Variants in CCSER1 observed in about 807,000 individuals in gnomAD.
The protein encoded by CCSER1 is serine-rich coiled-coil domain-containing protein 1.
A neutral mutation model predicts 82.0 loss-of-function variants in CCSER1; 41 were observed. The observed-to-expected ratio is 0.50, with a 90% CI of 0.39 to 0.65. The LOEUF is 0.65. CCSER1 is among the 30% of genes least tolerant of loss of function. The pLI is 0.00. For missense variants in CCSER1, 1,119 were observed against 1,064.2 expected, an observed-to-expected ratio of 1.05 and a Z score of -0.72; for synonymous variants, 414 against 383.9, an observed-to-expected ratio of 1.08 and a Z score of -0.92.
intron 10 of CCSER1, among the ~76,000 whole-genome samples, chr4:91,373,284 T>C (rs1301359316): frequency 6.6e-6 from 1 of 152,206 alleles, no homozygotes; most frequent in Admixed American, 6.5e-5. Flanking sequence ...TTGTTGCACT[T>C]TGCAGATATT....
At chr4:91,148,970 C>A (rs1185835940) in intron 10 of CCSER1, among the ~76,000 whole-genome samples, 3 of 151,906 alleles carry the variant, frequency 2.0e-5, no homozygotes, top group Admixed American at 1.3e-4. Flanking sequence ...TTTATAGCAG[C>A]ATGATTTATA....
At chr4:90,300,595 A>G (rs1330676161) in intron 1 of CCSER1, among the ~76,000 whole-genome samples, 3 of 152,174 alleles carry the variant, frequency 2.0e-5, no homozygotes, top group Admixed American at 6.6e-5. Flanking sequence ...GTGTCATGTC[A>G]TTAGCTCTGA....
chr4:90,913,899 G>A (rs1159715640), intron 8 of CCSER1, among the ~76,000 whole-genome samples: 1 of 152,058 alleles, frequency 6.6e-6, no homozygotes, highest in Non-Finnish European at 1.5e-5. Context: ...GACAAAGAAG[G>A]CCATTACATA....
chr4:91,254,550 A>G (rs1461512428), intron 10 of CCSER1, among the ~76,000 whole-genome samples: 3 of 152,180 alleles, frequency 2.0e-5, no homozygotes, highest in Non-Finnish European at 4.4e-5. Context: ...TGAAAAGGGA[A>G]AAGAGGGAGT....
intron 4 of CCSER1, among the ~76,000 whole-genome samples, chr4:90,410,491 T>G (rs1754561496): frequency 6.6e-6 from 1 of 151,912 alleles, no homozygotes; most frequent in Non-Finnish European, 1.5e-5. Context: ...TCAAAACCGC[T>G]CAAGTACATG....
At chr4:90,856,549 T>C (rs1255009887) in intron 8 of CCSER1, among the ~76,000 whole-genome samples, 1 of 152,116 alleles carries the variant, frequency 6.6e-6, no homozygotes, top group African/African-American at 2.4e-5. Context: ...TCAGATGCTA[T>C]GTTTTATAAT....
At position 91,131,558 on chromosome 4, in the gene CCSER1, G is replaced by A. The variant is rs1727997488; in HGVS notation, c.2217+45564G>A. 2.0e-5 allele frequency among the ~76,000 whole-genome samples: 3 copies of A among 152,054 alleles called. No homozygotes were observed. In the South Asian group the frequency reaches 6.2e-4, roughly 32 times the overall value. Reference sequence around the variant, plus strand: ...ATTATTTAATTGTGAAGTGTCAAATGTGTAAAACTAATTTCAGATAGTTCA... The same window carrying A: ...ATTATTTAATTGTGAAGTGTCAAATATGTAAAACTAATTTCAGATAGTTCA... On this transcript the variant is annotated intron_variant, in intron 10 of 10. Coordinates refer to ENST00000509176, the MANE Select transcript of CCSER1 (RefSeq NM_001145065.2).
intron 5 of CCSER1, among the ~76,000 whole-genome samples, chr4:90,589,807 T>C (rs1012744937): frequency 6.6e-6 from 1 of 152,214 alleles, no homozygotes; most frequent in Non-Finnish European, 1.5e-5. Context: ...CTATTTAAAC[T>C]AGAAACTTTC....
At chr4:90,324,119 G>A (rs865807338) in intron 3 of CCSER1, among the ~76,000 whole-genome samples, 32 of 152,116 alleles carry the variant, frequency 2.1e-4, no homozygotes, top group South Asian at 1.0e-3. Flanking sequence ...GAATAGTGCC[G>A]CAATAAACAT....
chr4:90,805,106 G>C (rs1413052714), intron 7 of CCSER1, among the ~76,000 whole-genome samples: 1 of 152,152 alleles, frequency 6.6e-6, no homozygotes, highest in Non-Finnish European at 1.5e-5. Flanking sequence ...TCTATGTTTA[G>C]ATGATCTTGT....
intron 7 of CCSER1, among the ~76,000 whole-genome samples, chr4:90,767,210 G>C (rs904688029): frequency 1.3e-5 from 2 of 152,042 alleles, no homozygotes; most frequent in African/African-American, 4.8e-5. Flanking sequence ...GCTTGTATGT[G>C]TTTCTAAGTT....
intron 8 of CCSER1, among the ~76,000 whole-genome samples, chr4:90,843,234 T>C (rs1196021851): frequency 1.0e-5 from 1 of 99,466 alleles, no homozygotes; most frequent in Non-Finnish European, 2.5e-5. Context: ...AATGAGTCAG[T>C]GAAAAAAAAA....
At chr4:91,397,833 G>A (rs960644192) in intron 10 of CCSER1, among the ~76,000 whole-genome samples, 1 of 151,966 alleles carries the variant, frequency 6.6e-6, no homozygotes, top group Admixed American at 6.6e-5. Flanking sequence ...GTGATGGTGT[G>A]AAATAACAGA....
chr4:90,241,964 C>A (rs1384370449), intron 1 of CCSER1, among the ~76,000 whole-genome samples: 2 of 151,980 alleles, frequency 1.3e-5, no homozygotes, highest in African/African-American at 2.4e-5. Flanking sequence ...AATCTACTAA[C>A]CCTGAATTTA....
intron 3 of CCSER1, among the ~76,000 whole-genome samples, chr4:90,354,646 A>G (rs1400147918): frequency 6.6e-6 from 1 of 152,158 alleles, no homozygotes; most frequent in Non-Finnish European, 1.5e-5. Flanking sequence ...ATCTGAAATA[A>G]AAAGAAAAAT....
chr4:91,276,617 T>A (rs1742474931), intron 10 of CCSER1, among the ~76,000 whole-genome samples: 1 of 152,124 alleles, frequency 6.6e-6, no homozygotes, highest in South Asian at 2.1e-4. Flanking sequence ...CTTCCATTTT[T>A]TCAATTTGGA....
rs967341807 is a variant in CCSER1, at chr4:91,172,762, C to A, written c.2217+86768C>A. Among the ~76,000 whole-genome samples the A allele has an allele frequency of 2.0e-5, 3 of 152,024 alleles. No homozygotes were observed. In the South Asian group the frequency reaches 6.2e-4, roughly 31 times the overall value. On this transcript the variant is annotated intron_variant, in intron 10 of 10. Transcript: ENST00000509176. ...TAGTGGGGGATGAAGAAAATAAAAT[C>A]TTTATGTGACACATCTTTGATTGGT...
chr4:91,179,779 A>G (rs1431538123), intron 10 of CCSER1, among the ~76,000 whole-genome samples: 1 of 152,088 alleles, frequency 6.6e-6, no homozygotes, highest in Non-Finnish European at 1.5e-5. Context: ...GTTTGTTATT[A>G]CAGATTGTCT....
At position 91,435,269 on chromosome 4, in the gene CCSER1, G is replaced by C. The variant is rs116206479; in HGVS notation, c.2218-163303G>C. 5.0e-3 allele frequency among the ~76,000 whole-genome samples: 767 copies of C among 152,102 alleles called. 6 individuals are homozygous for C. Among genetic ancestry groups the C allele is most frequent in the African/African-American group, 0.018 (733 of 41,492 alleles). ...AGCGTAGACAAGATGATGAAACTCTGTCTCTACAAAAAATATTTAAAAGTT... is the reference window on the plus strand; with the variant it reads ...AGCGTAGACAAGATGATGAAACTCTCTCTCTACAAAAAATATTTAAAAGTT... On this transcript the variant is annotated intron_variant, in intron 10 of 10. Transcript: ENST00000509176.
Sources: allele counts gnomAD v4.1 joint callset (sites outside exome capture counted in the v4.1 genomes callset), GRCh38; gene constraint gnomAD v4.1.1; transcripts MANE v1.5; gene names NCBI Gene and HGNC (gene_info 2026-07-23, HGNC 2026-07-21).